Variants in RHOBTB1 observed in about 807,000 individuals in gnomAD.
The protein encoded by RHOBTB1 is rho-related BTB domain-containing protein 1.
RHOBTB1 carries 40 observed loss-of-function variants against 71.6 expected under a neutral mutation model. That is an observed-to-expected ratio of 0.56 (90% CI 0.43 to 0.73). The LOEUF is 0.73. Among genes scored for constraint, RHOBTB1 ranks in the 30% least tolerant of loss-of-function variants. RHOBTB1 has a pLI of 0.00. For synonymous variants in RHOBTB1, 319 were observed against 334.9 expected, an observed-to-expected ratio of 0.95 and a Z score of 0.52; for missense variants, 797 against 894.0, an observed-to-expected ratio of 0.89 and a Z score of 1.38.
At chr10:60,905,449 CAAAA>C (rs35538782) in intron 4 of RHOBTB1, among the ~76,000 whole-genome samples, 1 of 48,974 alleles carries the variant, frequency 2.0e-5, no homozygotes. Flanking sequence ...GACTCTTTCT[CAAAA>C]AAAAAAAAAA....
intron 2 of RHOBTB1, among the ~76,000 whole-genome samples, chr10:60,960,329 TGGC>T (rs767457791): frequency 6.6e-6 from 1 of 152,196 alleles, no homozygotes; most frequent in African/African-American, 2.4e-5. Flanking sequence ...TTGATTATGC[TGGC>T]GAATTTAATC....
chr10:60,966,841 C>T, intron 2 of RHOBTB1, among the ~76,000 whole-genome samples: 1 of 148,132 alleles, frequency 6.8e-6, no homozygotes, highest in African/African-American at 2.5e-5. Flanking sequence ...TCCCCCCTCC[C>T]CCCACCCCAC....
chr10:60,871,394 A>G lies in RHOBTB1; in HGVS notation c.*88T>C. On this transcript the variant is annotated 3_prime_UTR_variant, in exon 11 of 11. Coordinates refer to ENST00000337910, the MANE Select transcript of RHOBTB1 (RefSeq NM_014836.5). ...GAAACCTGAACTATGTCGTATCTCTAACAAGACGAATTTTATAGTAGTGCT... is the reference window on the plus strand; with the variant it reads ...GAAACCTGAACTATGTCGTATCTCTGACAAGACGAATTTTATAGTAGTGCT... 5 of 1,392,280 alleles carry G rather than the reference A, an allele frequency of 3.6e-6. No individual in the cohort carries two copies. Among genetic ancestry groups the G allele is most frequent in the Non-Finnish European group, 4.9e-6 (5 of 1,013,496 alleles). The allele number at this position is 1,392,280 out of a possible 1,614,324, so 86.2% of individuals were successfully genotyped here. A position where few individuals can be genotyped will look rare whatever the true frequency, so the allele number is the denominator to read the frequency against.
chr10:60,957,366 T>C (rs2085629534), intron 2 of RHOBTB1, among the ~76,000 whole-genome samples: 1 of 152,226 alleles, frequency 6.6e-6, no homozygotes, highest in Non-Finnish European at 1.5e-5. Flanking sequence ...ATGTGTGGTG[T>C]TCAGATGGCT....
At chr10:60,970,900 A>G (rs972090961) in intron 2 of RHOBTB1, among the ~76,000 whole-genome samples, 1 of 152,094 alleles carries the variant, frequency 6.6e-6, no homozygotes, top group Non-Finnish European at 1.5e-5. Context: ...ATTCATGGAG[A>G]GTCAAACTCA....
intron 2 of RHOBTB1, among the ~76,000 whole-genome samples, chr10:60,930,061 C>CA (rs1339065093): frequency 1.3e-5 from 2 of 151,840 alleles, no homozygotes; most frequent in Admixed American, 6.6e-5. Flanking sequence ...ATAATATGAA[C>CA]AAAAAAATCT....
intron 2 of RHOBTB1, among the ~76,000 whole-genome samples, chr10:60,975,244 G>C (rs533303441): frequency 6.0e-4 from 91 of 152,138 alleles, no homozygotes; most frequent in African/African-American, 2.1e-3. Context: ...GAATTCGTCA[G>C]AATGTGTAAA....
At position 60,894,090 on chromosome 10, in the gene RHOBTB1, A is replaced by T. The variant is rs1012916224; in HGVS notation, c.297-1095T>A. 2.8e-4 allele frequency among the ~76,000 whole-genome samples: 42 copies of T among 152,234 alleles called. 1 individual carries two copies. The highest frequency in any genetic ancestry group is 1.0e-4 in the Non-Finnish European group (7 of 68,040). On this transcript the variant is annotated intron_variant, in intron 4 of 10. Coordinates refer to ENST00000337910, the MANE Select transcript of RHOBTB1 (RefSeq NM_014836.5). ...ATGAGAAGAGTCAAGTCGATGAATC[A>T]AAACACCTTCCTTTTAAATCATTAA...
rs114246287 is a variant in RHOBTB1 at position 60,876,340 on chromosome 10, T to C, written c.1727-1298A>G. ...TCATAACAGTAATAATAGCATTTAATAACTAAACTAAGTGTTCATAGAAGT... is the reference window on the plus strand; with the variant it reads ...TCATAACAGTAATAATAGCATTTAACAACTAAACTAAGTGTTCATAGAAGT... On this transcript the variant is annotated intron_variant, in intron 8 of 10. Transcript: ENST00000337910. 9.2e-3 allele frequency among the ~76,000 whole-genome samples: 1,397 copies of C among 152,268 alleles called. 23 individuals are homozygous for C. Among genetic ancestry groups the C allele is most frequent in the African/African-American group, 0.032 (1,311 of 41,542 alleles).
intron 2 of RHOBTB1, among the ~76,000 whole-genome samples, chr10:60,924,627 T>A (rs564991133): frequency 2.4e-4 from 36 of 152,314 alleles, no homozygotes; most frequent in Admixed American, 2.4e-3. Context: ...AGACTTAGTC[T>A]GCACTATAGA....
chr10:60,887,789 G>A (rs1316298383), intron 6 of RHOBTB1, among the ~76,000 whole-genome samples: 1 of 152,186 alleles, frequency 6.6e-6, no homozygotes, highest in Non-Finnish European at 1.5e-5. Flanking sequence ...AATAGAATTG[G>A]TCAGAGAATA....
At chr10:60,967,223 T>C (rs1296150113) in intron 2 of RHOBTB1, among the ~76,000 whole-genome samples, 7 of 121,924 alleles carry the variant, frequency 5.7e-5, no homozygotes, top group Non-Finnish European at 6.9e-5. Context: ...TCTCAAATGA[T>C]CTAAGACCAA....
intron 7 of RHOBTB1, among the ~76,000 whole-genome samples, chr10:60,879,941 T>A (rs1457439899): frequency 6.6e-6 from 1 of 152,156 alleles, no homozygotes; most frequent in East Asian, 1.9e-4. Context: ...TCTGAACATG[T>A]ACAGACTTTT....
intron 4 of RHOBTB1, among the ~76,000 whole-genome samples, chr10:60,896,288 T>C (rs980089107): frequency 6.6e-6 from 1 of 152,260 alleles, no homozygotes; most frequent in Non-Finnish European, 1.5e-5. Context: ...TATGGCTCTG[T>C]TACATTTTTT....
intron 2 of RHOBTB1, among the ~76,000 whole-genome samples, chr10:60,970,150 T>C (rs1264821011): frequency 6.6e-6 from 1 of 152,170 alleles, no homozygotes. Flanking sequence ...TGATCACTGA[T>C]TGTTTGCCTG....
chr10:60,911,650 C>T lies in RHOBTB1; in HGVS notation c.-10-98G>A, dbSNP rs1274815306. ...AGGGAGTTTTGCCTTCGTCCAGCCA[C>T]TTCCTTGGAGGTGCACAAGCACAGG... On this transcript the variant is annotated intron_variant, in intron 2 of 10. Transcript: ENST00000337910. 2.3e-5 allele frequency: 22 copies of T among 952,260 alleles called. No individual in the cohort carries two copies. In the Admixed American group the frequency reaches 3.8e-4, roughly 16 times the overall value. 59.0% of individuals were successfully genotyped at this position (952,260 alleles called of 1,614,324 possible). A position where few individuals can be genotyped will look rare whatever the true frequency, so the allele number is the denominator to read the frequency against.
chr10:60,921,930 C>T (rs1053894876), intron 2 of RHOBTB1, among the ~76,000 whole-genome samples: 1 of 152,170 alleles, frequency 6.6e-6, no homozygotes, highest in African/African-American at 2.4e-5. Flanking sequence ...CACCAGAGAC[C>T]AAAGGCCACA....
intron 4 of RHOBTB1, among the ~76,000 whole-genome samples, chr10:60,900,864 T>C (rs2133080342): frequency 6.6e-6 from 1 of 152,290 alleles, no homozygotes; most frequent in Non-Finnish European, 1.5e-5. Flanking sequence ...AACCGGTTAA[T>C]CTCTATATAT....
intron 2 of RHOBTB1, among the ~76,000 whole-genome samples, chr10:60,983,366 T>C (rs2086564263): frequency 1.3e-5 from 2 of 152,280 alleles, no homozygotes; most frequent in East Asian, 1.9e-4. Flanking sequence ...TTATAAGACA[T>C]ATGATTTTTC....
Sources: gnomAD v4.1 joint callset for allele counts (sites outside exome capture counted in the v4.1 genomes callset) on GRCh38, gnomAD v4.1.1 for gene constraint, MANE v1.5 for transcripts, NCBI Gene and HGNC (gene_info 2026-07-23, HGNC 2026-07-21) for gene names.